Variants in DOCK5 observed in about 807,000 individuals in gnomAD.
DOCK5 encodes dedicator of cytokinesis protein 5.
In DOCK5, 142 loss-of-function variants were observed where a neutral mutation model predicts 251.8. That is an observed-to-expected ratio of 0.56 (90% CI 0.49 to 0.65). The LOEUF (loss-of-function observed/expected upper bound fraction) is 0.65, where lower values mean the gene tolerates loss of function less well. Among genes scored for constraint, DOCK5 ranks in the 30% least tolerant of loss-of-function variants. The pLI is 0.00. For synonymous variants in DOCK5, 842 were observed against 835.5 expected (o/e 1.01, Z -0.13); for missense variants, 2,111 against 2,312.3 (o/e 0.91, Z 1.79).
intron 2 of DOCK5, among the ~76,000 whole-genome samples, chr8:25,256,870 C>G (rs1296772960): frequency 2.0e-5 from 3 of 151,550 alleles, no homozygotes; most frequent in Non-Finnish European, 2.9e-5. Flanking sequence ...TTTTCTATCA[C>G]TCAAATTGTT....
At chr8:25,397,186 A>G (rs1432457651) in intron 45 of DOCK5, among the ~76,000 whole-genome samples, 4 of 151,776 alleles carry the variant, frequency 2.6e-5, no homozygotes, top group Non-Finnish European at 5.9e-5. Context: ...TGTACCACTG[A>G]ACTCCAGCCT....
At chr8:25,268,946 G>T in intron 3 of DOCK5, 61 bp downstream of exon 3, 1 of 1,401,474 alleles carries the variant, frequency 7.1e-7, no homozygotes, top group Non-Finnish European at 9.8e-7. Context: ...TTTGTATTGT[G>T]CTATGTGACC....
intron 3 of DOCK5, among the ~76,000 whole-genome samples, chr8:25,273,257 G>C (rs1803959725): frequency 6.6e-6 from 1 of 152,102 alleles, no homozygotes; most frequent in African/African-American, 2.4e-5. Context: ...CTCAGTGCCT[G>C]CTGCATGCCT....
At chr8:25,409,084 T>C in intron 50 of DOCK5, 144 bp downstream of exon 50, 1 of 1,268,362 alleles carries the variant, frequency 7.9e-7, no homozygotes, top group Non-Finnish European at 1.1e-6. Flanking sequence ...TATTATACAG[T>C]TAGACTGGAG....
At chr8:25,261,120 G>C (rs1185533483) in intron 2 of DOCK5, among the ~76,000 whole-genome samples, 1 of 152,150 alleles carries the variant, frequency 6.6e-6, no homozygotes, top group Admixed American at 6.5e-5. Context: ...TCCATCCTCA[G>C]GAGTTGGCCT....
intron 33 of DOCK5, among the ~76,000 whole-genome samples, chr8:25,369,046 CCTAT>C (rs1484036548): frequency 6.6e-6 from 1 of 152,164 alleles, no homozygotes; most frequent in Non-Finnish European, 1.5e-5. Flanking sequence ...AATTTAAAAA[CCTAT>C]CTATTATAGT....
chr8:25,319,751 A>G (rs11781553), intron 15 of DOCK5, 75 bp downstream of exon 15: 43,031 of 1,097,216 alleles, frequency 0.039, 1,078 homozygotes, highest in Middle Eastern at 0.067. Flanking sequence ...TTACCCCCAA[A>G]TTATTCCTAC....
At chr8:25,239,312 CGTGTATATGTGTGTGTGTGTGT>C (rs1802880904) in intron 1 of DOCK5, among the ~76,000 whole-genome samples, 1 of 133,720 alleles carries the variant, frequency 7.5e-6, no homozygotes, top group Non-Finnish European at 1.6e-5. Context: ...TTGGTGTGTG[CGTGTATATGTGTGTGTGTGTGT>C]GTGTGTATGT....
chr8:25,338,215 A>AT (rs1193620425), intron 22 of DOCK5, among the ~76,000 whole-genome samples: 2 of 151,524 alleles, frequency 1.3e-5, no homozygotes, highest in Non-Finnish European at 2.9e-5. Context: ...TAATGTTTAT[A>AT]TTTTTTGTAG....
intron 47 of DOCK5, among the ~76,000 whole-genome samples, chr8:25,402,832 C>T (rs1340035442): frequency 1.3e-5 from 2 of 152,174 alleles, no homozygotes; most frequent in African/African-American, 4.8e-5. Flanking sequence ...TTTTCTCCCC[C>T]ATTCCTGTCT....
intron 1 of DOCK5, among the ~76,000 whole-genome samples, chr8:25,239,108 G>T (rs1288243897): frequency 2.6e-5 from 4 of 152,164 alleles, no homozygotes; most frequent in Non-Finnish European, 5.9e-5. Context: ...TACAAATCAA[G>T]ACAGGCCCTT....
intron 2 of DOCK5, among the ~76,000 whole-genome samples, chr8:25,247,065 A>G (rs1803135763): frequency 6.6e-6 from 1 of 151,564 alleles, no homozygotes; most frequent in Non-Finnish European, 1.5e-5. Context: ...TTATTTATTT[A>G]TTTTAATGGA....
rs1327917795 is a variant in DOCK5 at position 25,414,551 on chromosome 8, T to C, written c.*3253T>C. 1 of 152,202 alleles carries C rather than the reference T, an allele frequency of 6.6e-6. No individual in the cohort carries two copies. The highest frequency in any genetic ancestry group is 1.5e-5 in the Non-Finnish European group (1 of 68,036). 9.4% of individuals were successfully genotyped at this position (152,202 alleles called of 1,614,324 possible). On this transcript the variant is annotated 3_prime_UTR_variant, in exon 52 of 52. Transcript: ENST00000276440. ...TCTTTCCAAGCTGGAAGAGTCCTTC[T>C]CCTCTAGTTGCCCCTAGGTCACTGG...
chr8:25,255,911 G>A (rs1303873643), intron 2 of DOCK5, among the ~76,000 whole-genome samples: 1 of 152,142 alleles, frequency 6.6e-6, no homozygotes, highest in Non-Finnish European at 1.5e-5. Flanking sequence ...CTGTGCTTGA[G>A]TACACCCATT....
Position 25,377,321 on chromosome 8 carries a change from G to T in DOCK5, c.3833G>T (p.Cys1278Phe), listed in dbSNP as rs754864243. The T allele has an allele frequency of 6.2e-7, 1 of 1,613,344 alleles. No individual in the cohort carries two copies. ...AELLQWSDKP[C>F]VPHLLQKDSY... is the part of the protein sequence containing the mutation. ...CCTTTTCAGTGGTCTGACAAGCCCT[G>T]TGTGCCTCATTTGCTTCAGAAGGAC... is the stretch of plus-strand genomic sequence containing the variant. The change falls in exon 38 of 52, where the codon TGT (cysteine) becomes TTT (phenylalanine). Residue 1278 changes from cysteine to phenylalanine, a missense_variant. By Grantham distance (205) the Cys-to-Phe change is radical. Coordinates refer to ENST00000276440, the MANE Select transcript of DOCK5 (RefSeq NM_024940.8).
intron 28 of DOCK5, among the ~76,000 whole-genome samples, chr8:25,359,345 T>G (rs1055900764): frequency 6.6e-6 from 1 of 151,376 alleles, no homozygotes; most frequent in Non-Finnish European, 1.5e-5. Flanking sequence ...AGATGTTTTT[T>G]GCTCTGAAAA....
chr8:25,300,122 T>C (rs1406835152), intron 8 of DOCK5, among the ~76,000 whole-genome samples: 1 of 152,180 alleles, frequency 6.6e-6, no homozygotes, highest in Non-Finnish European at 1.5e-5. Flanking sequence ...GCCAGCCTGG[T>C]CTTGAACTCC....
rs375910262 is a variant in DOCK5, at chr8:25,300,674, G to A, written c.846+17G>A. 1 of 1,601,436 alleles carries A rather than the reference G, an allele frequency of 6.2e-7. No homozygotes were observed. The highest frequency in any genetic ancestry group is 8.5e-7 in the Non-Finnish European group (1 of 1,171,990). On this transcript the variant is annotated intron_variant, in intron 9 of 51. Coordinates refer to ENST00000276440, the MANE Select transcript of DOCK5 (RefSeq NM_024940.8). ...GTGTTTACAGTAAGTCCTCCCTTCT[G>A]TTTAATCATTCTCTTTGTTTGTGAT...
At chr8:25,386,256 T>G (rs945490026) in intron 40 of DOCK5, among the ~76,000 whole-genome samples, 1 of 151,976 alleles carries the variant, frequency 6.6e-6, no homozygotes, top group African/African-American at 2.4e-5. Flanking sequence ...TGGTTGGGGA[T>G]GAGGTGGACC....
Sources: allele counts gnomAD v4.1 joint callset (sites outside exome capture counted in the v4.1 genomes callset), GRCh38; gene constraint gnomAD v4.1.1; transcripts MANE v1.5; gene names NCBI Gene and HGNC (gene_info 2026-07-23, HGNC 2026-07-21).